Variants in HIVEP3 observed in about 807,000 individuals in gnomAD.
The protein encoded by HIVEP3 is HIVEP zinc finger 3.
A neutral mutation model predicts 152.8 loss-of-function variants in HIVEP3; 49 were observed. That is an observed-to-expected ratio of 0.32 (90% CI 0.26 to 0.41). The LOEUF (loss-of-function observed/expected upper bound fraction) is 0.41. HIVEP3 is among the 10% of genes least tolerant of loss of function. HIVEP3 has a pLI of 1.00. For synonymous variants in HIVEP3, 1,269 were observed against 1,289.0 expected (o/e 0.98, Z 0.33); for missense variants, 2,790 against 3,103.3 (o/e 0.90, Z 2.40).
At chr1:41,964,387 T>C (rs1339031373) in intron 1 of HIVEP3, among the ~76,000 whole-genome samples, 1 of 152,142 alleles carries the variant, frequency 6.6e-6, no homozygotes, top group African/African-American at 2.4e-5. Context: ...CCATGCTTTT[T>C]CCACAGATCT....
chr1:41,978,930 G>C (rs2124508836), intron 1 of HIVEP3, among the ~76,000 whole-genome samples: 1 of 152,242 alleles, frequency 6.6e-6, no homozygotes, highest in Admixed American at 6.5e-5. Flanking sequence ...CTGACGTGTT[G>C]AGGACAGGAA....
At chr1:41,737,332 C>T (rs1347330178) in intron 1 of HIVEP3, among the ~76,000 whole-genome samples, 1 of 152,192 alleles carries the variant, frequency 6.6e-6, no homozygotes, top group Non-Finnish European at 1.5e-5. Context: ...TCTTGCCGTT[C>T]CCACTGCCCA....
intron 1 of HIVEP3, among the ~76,000 whole-genome samples, chr1:41,936,127 G>C (rs1015854012): frequency 2.5e-4 from 38 of 152,094 alleles, no homozygotes; most frequent in African/African-American, 8.9e-4. Context: ...TCAGTTCAAG[G>C]GTAAATGTAA....
intron 2 of HIVEP3, among the ~76,000 whole-genome samples, chr1:41,682,452 G>C (rs1646054463): frequency 6.6e-6 from 1 of 152,176 alleles, no homozygotes; most frequent in African/African-American, 2.4e-5. Context: ...GCTCTGGGAG[G>C]GTTGATGGAA....
intron 1 of HIVEP3, among the ~76,000 whole-genome samples, chr1:41,788,526 C>T (rs1423421185): frequency 3.3e-5 from 5 of 152,210 alleles, no homozygotes; most frequent in Non-Finnish European, 7.3e-5. Context: ...CAGCCGGGAT[C>T]AAAGCACCCT....
intron 5 of HIVEP3, among the ~76,000 whole-genome samples, chr1:41,561,133 T>G (rs1466456615): frequency 6.6e-6 from 1 of 152,140 alleles, no homozygotes; most frequent in African/African-American, 2.4e-5. Context: ...CCCTGCACAT[T>G]CACATCTGGA....
chr1:42,013,516 A>G, intron 1 of HIVEP3, among the ~76,000 whole-genome samples: 1 of 152,218 alleles, frequency 6.6e-6, no homozygotes, highest in East Asian at 1.9e-4. Context: ...CTACCTGTTT[A>G]TTTATCTTTA....
chr1:41,665,704 T>A (rs2124057686), intron 2 of HIVEP3, among the ~76,000 whole-genome samples: 1 of 22,734 alleles, frequency 4.4e-5, no homozygotes, highest in East Asian at 0.018. Context: ...CACGGAAATG[T>A]TATACACACA....
At chr1:41,941,231 G>A (rs900637296) in intron 1 of HIVEP3, among the ~76,000 whole-genome samples, 13 of 152,192 alleles carry the variant, frequency 8.5e-5, no homozygotes, top group Non-Finnish European at 1.8e-4. Context: ...AGTAGGGCAA[G>A]CAGTCAAGGA....
chr1:41,925,407 G>C (rs1480947956), intron 1 of HIVEP3, among the ~76,000 whole-genome samples: 3 of 152,130 alleles, frequency 2.0e-5, no homozygotes, highest in Non-Finnish European at 4.4e-5. Context: ...AAGTAAGCTA[G>C]AGCAAAGAAA....
chr1:41,864,864 G>T (rs1643940577), intron 1 of HIVEP3, among the ~76,000 whole-genome samples: 2 of 152,246 alleles, frequency 1.3e-5, no homozygotes, highest in South Asian at 4.1e-4. Context: ...GGCTGCCTCT[G>T]ACTCTCACCC....
chr1:41,947,069 C>CT lies in HIVEP3; in HGVS notation n.120-28546dup, dbSNP rs1361269366. On this transcript the variant is annotated intron_variant and non_coding_transcript_variant, in intron 1 of 3. Transcript: ENST00000489103. ...AGATGCCTTTTTCTGCATCCCTGTA[C>CT]TTCTTGTTTGCCTTTGAAGATCCTT... Among the ~76,000 whole-genome samples, 6 of 152,156 alleles carry CT rather than the reference C, an allele frequency of 3.9e-5. No homozygotes were observed. In the East Asian group the frequency reaches 1.2e-3, roughly 29 times the overall value.
chr1:41,710,430 G>C (rs1646495944), intron 1 of HIVEP3, among the ~76,000 whole-genome samples: 1 of 152,146 alleles, frequency 6.6e-6, no homozygotes, highest in Non-Finnish European at 1.5e-5. Context: ...TGCTTCAAAA[G>C]GACAAGCACA....
intron 1 of HIVEP3, among the ~76,000 whole-genome samples, chr1:41,732,741 T>A (rs1010772510): frequency 2.6e-5 from 4 of 152,154 alleles, no homozygotes; most frequent in African/African-American, 9.7e-5. Flanking sequence ...CGCGACGCTC[T>A]ATCCCCGAGG....
At chr1:41,556,914 C>A (rs991880228) in intron 5 of HIVEP3, among the ~76,000 whole-genome samples, 3 of 152,222 alleles carry the variant, frequency 2.0e-5, no homozygotes, top group African/African-American at 7.2e-5. Context: ...ATAGCCTTGG[C>A]AACCTTGCTG....
At chr1:41,590,952 AGCC>A (rs1644579015) in intron 3 of HIVEP3, among the ~76,000 whole-genome samples, 3 of 152,260 alleles carry the variant, frequency 2.0e-5, no homozygotes, top group African/African-American at 7.2e-5. Flanking sequence ...CACCCCTCTA[AGCC>A]TTAGTCTCCC....
chr1:41,657,736 C>A (rs1448704708), intron 2 of HIVEP3, among the ~76,000 whole-genome samples: 1 of 152,212 alleles, frequency 6.6e-6, no homozygotes, highest in Non-Finnish European at 1.5e-5. Context: ...AGAGGCAAAG[C>A]AAATAGGAAA....
chr1:41,727,523 G>A (rs1354777300), intron 1 of HIVEP3, among the ~76,000 whole-genome samples: 3 of 152,236 alleles, frequency 2.0e-5, no homozygotes, highest in Admixed American at 1.3e-4. Flanking sequence ...AAAAAGGAAC[G>A]AGGGAAGAAA....
chr1:41,810,255 G>C (rs1300686925), intron 1 of HIVEP3, among the ~76,000 whole-genome samples: 1 of 152,192 alleles, frequency 6.6e-6, no homozygotes, highest in Admixed American at 6.5e-5. Flanking sequence ...TCTGCCTTCA[G>C]GCAGCAACAA....
Sources: allele counts gnomAD v4.1 joint callset (sites outside exome capture counted in the v4.1 genomes callset), GRCh38; gene constraint gnomAD v4.1.1; transcripts MANE v1.5; gene names NCBI Gene and HGNC (gene_info 2026-07-23, HGNC 2026-07-21).